Variants in GRM1 observed in about 807,000 individuals in gnomAD.
GRM1 encodes the protein glutamate metabotropic receptor 1, also known as metabotropic glutamate receptor 1.
GRM1 carries 33 observed loss-of-function variants against 90.9 expected under a neutral mutation model. The ratio of observed to expected loss-of-function variants is 0.36; its 90% confidence interval spans 0.28 to 0.49. The LOEUF is 0.49. GRM1 is among the 20% of genes least tolerant of loss of function. The pLI is 0.99. For missense variants in GRM1, 1,190 were observed against 1,534.3 expected, an observed-to-expected ratio of 0.78 and a Z score of 3.75; for synonymous variants, 700 against 613.2, an observed-to-expected ratio of 1.14 and a Z score of -2.09.
chr6:146,029,963 C>T lies in GRM1; in HGVS notation c.446C>T (p.Pro149Leu), dbSNP rs199749018. The change falls in exon 1 of 8, where the codon CCA becomes CTA. Residue 149 changes from proline (P) to leucine (L), a missense_variant. Physicochemically the swap from Pro to Leu is moderately conservative, Grantham distance 98. Transcript: ENST00000282753. ...RCLPDGQSLPPGRTKKPIAGV... is the reference protein window; with the variant it reads ...RCLPDGQSLPLGRTKKPIAGV... ...CTGCCTGACGGCCAGTCCCTCCCCCCAGGCAGGACTAAGAAGCCCATTGCG... is the reference window on the plus strand; with the variant it reads ...CTGCCTGACGGCCAGTCCCTCCCCCTAGGCAGGACTAAGAAGCCCATTGCG... 1.4e-5 allele frequency: 23 copies of T among 1,614,008 alleles called. No homozygotes were observed. Among genetic ancestry groups the T allele is most frequent in the African/African-American group, 5.3e-5 (4 of 74,916 alleles).
chr6:146,255,011 G>A (rs958718802), intron 2 of GRM1, among the ~76,000 whole-genome samples: 1 of 152,044 alleles, frequency 6.6e-6, no homozygotes, highest in South Asian at 2.1e-4. Context: ...AATAAAAACG[G>A]TATGAATAAA....
chr6:146,304,561 G>A lies in GRM1; in HGVS notation c.951-50G>A, dbSNP rs775988089. ...TCATATATAACTCTGAGCTCTATTT[G>A]TGAGATGTTTGTCTTTCTCTCTCCC... is the stretch of plus-strand genomic sequence containing the variant. On this transcript the variant is annotated intron_variant, in intron 2 of 7. Transcript: ENST00000282753. 5.3e-5 allele frequency: 64 copies of A among 1,216,314 alleles called. 5 individuals carry two copies. The South Asian group carries it at 7.7e-4, about 15-fold the overall frequency. 75.3% of individuals were successfully genotyped at this position (1,216,314 alleles called of 1,614,324 possible). A position where few individuals can be genotyped will look rare whatever the true frequency, so the allele number is the denominator to read the frequency against.
At chr6:146,184,793 C>G (rs1013929282) in intron 2 of GRM1, among the ~76,000 whole-genome samples, 1 of 152,084 alleles carries the variant, frequency 6.6e-6, no homozygotes, top group East Asian at 1.9e-4. Flanking sequence ...CCTGATGAAG[C>G]CTTCATGATC....
chr6:146,398,537 G>A (rs906811628), intron 6 of GRM1, among the ~76,000 whole-genome samples: 47 of 152,130 alleles, frequency 3.1e-4, no homozygotes, highest in African/African-American at 1.1e-3. Context: ...CATTTTTATA[G>A]GTTCAAGTAT....
At chr6:146,127,475 A>G (rs1776238610) in intron 1 of GRM1, among the ~76,000 whole-genome samples, 1 of 152,178 alleles carries the variant, frequency 6.6e-6, no homozygotes, top group Admixed American at 6.5e-5. Flanking sequence ...TGCAGGTGAT[A>G]TTGTTCATGG....
At chr6:146,391,633 C>T (rs1472706839) in intron 6 of GRM1, among the ~76,000 whole-genome samples, 1 of 151,890 alleles carries the variant, frequency 6.6e-6, no homozygotes, top group Non-Finnish European at 1.5e-5. Context: ...AATGACATTA[C>T]AGCTAATTCC....
At chr6:146,172,300 C>T (rs1247925974) in intron 2 of GRM1, among the ~76,000 whole-genome samples, 1 of 152,170 alleles carries the variant, frequency 6.6e-6, no homozygotes, top group Non-Finnish European at 1.5e-5. Flanking sequence ...CTTGTTCTCT[C>T]TTCTGTTTCC....
chr6:146,140,591 G>A (rs1040662223), intron 1 of GRM1, among the ~76,000 whole-genome samples: 20 of 152,032 alleles, frequency 1.3e-4, no homozygotes, highest in African/African-American at 4.8e-4. Flanking sequence ...TTTGGTTTGA[G>A]GTTACCATGA....
intron 3 of GRM1, among the ~76,000 whole-genome samples, chr6:146,344,441 T>C (rs937178346): frequency 2.6e-5 from 4 of 152,256 alleles, no homozygotes; most frequent in African/African-American, 9.6e-5. Flanking sequence ...GAGTGGCTGA[T>C]GTATCCAGAT....
chr6:146,146,140 G>T (rs1184030092), intron 1 of GRM1, among the ~76,000 whole-genome samples: 2 of 26,174 alleles, frequency 7.6e-5, no homozygotes, highest in Non-Finnish European at 2.1e-4. Context: ...TTTTTTTTTT[G>T]AGACGTGGCG....
At chr6:146,159,855 C>A in intron 2 of GRM1, 1 of 407,654 alleles carries the variant, frequency 2.5e-6, no homozygotes, top group Non-Finnish European at 4.5e-6. Context: ...TTTGAGGTTA[C>A]AGTGAGCTAT....
chr6:146,218,730 T>C (rs1289492157), intron 2 of GRM1, among the ~76,000 whole-genome samples: 2 of 152,208 alleles, frequency 1.3e-5, no homozygotes, highest in Non-Finnish European at 2.9e-5. Context: ...CAATTCCAGA[T>C]ATAACAGCCT....
chr6:146,429,998 C>T (rs1354827846), intron 7 of GRM1, among the ~76,000 whole-genome samples: 1 of 152,166 alleles, frequency 6.6e-6, no homozygotes, highest in Non-Finnish European at 1.5e-5. Flanking sequence ...GTGCAGGAGG[C>T]TTCCCTCCTG....
At chr6:146,121,334 CTTTA>C in intron 1 of GRM1, among the ~76,000 whole-genome samples, 1 of 152,058 alleles carries the variant, frequency 6.6e-6, no homozygotes, top group Non-Finnish European at 1.5e-5. Flanking sequence ...CTCTTTTTTT[CTTTA>C]TTAATCTTGC....
intron 1 of GRM1, among the ~76,000 whole-genome samples, chr6:146,103,221 A>G (rs1276697666): frequency 6.6e-6 from 1 of 152,226 alleles, no homozygotes; most frequent in East Asian, 1.9e-4. Flanking sequence ...CCTAACCAGC[A>G]TTATATATAA....
intron 5 of GRM1, among the ~76,000 whole-genome samples, chr6:146,380,903 T>C (rs193231557): frequency 6.6e-6 from 1 of 152,258 alleles, no homozygotes; most frequent in African/African-American, 2.4e-5. Flanking sequence ...AGGATGTGTA[T>C]AGAAGTGTCC....
intron 2 of GRM1, among the ~76,000 whole-genome samples, chr6:146,233,577 GT>G (rs1476071946): frequency 3.9e-5 from 6 of 152,036 alleles, no homozygotes; most frequent in Non-Finnish European, 8.8e-5. Context: ...TTAAAAGGGT[GT>G]TGTTTAATTT....
At chr6:146,317,158 T>G (rs1784004395) in intron 3 of GRM1, among the ~76,000 whole-genome samples, 1 of 152,234 alleles carries the variant, frequency 6.6e-6, no homozygotes, top group African/African-American at 2.4e-5. Flanking sequence ...TTTCAGAGAT[T>G]TTTAACAAAA....
chr6:146,036,809 C>T (rs1384040125), intron 1 of GRM1, among the ~76,000 whole-genome samples: 2 of 151,718 alleles, frequency 1.3e-5, no homozygotes, highest in African/African-American at 2.4e-5. Flanking sequence ...CTTTGATTAC[C>T]TAGTAACTAA....
Sources: allele counts gnomAD v4.1 joint callset (sites outside exome capture counted in the v4.1 genomes callset), GRCh38; gene constraint gnomAD v4.1.1; transcripts MANE v1.5; gene names NCBI Gene and HGNC (gene_info 2026-07-23, HGNC 2026-07-21).